CAMTA1: variants seen among roughly 807,000 people sequenced by gnomAD.
The protein encoded by CAMTA1 is calmodulin binding transcription activator 1.
A neutral mutation model predicts 170.9 loss-of-function variants in CAMTA1; 27 were observed. The ratio of observed to expected loss-of-function variants is 0.16; its 90% CI spans 0.12 to 0.22. The LOEUF is 0.22. Ranked by LOEUF, CAMTA1 falls within the 10% of genes least tolerant of loss-of-function variation. The pLI, the probability that CAMTA1 is intolerant of heterozygous loss-of-function variation, is 1.00. For synonymous variants in CAMTA1, 833 were observed against 891.5 expected, an observed-to-expected ratio of 0.93 and a Z score of 1.17; for missense variants, 1,619 against 2,217.2, an observed-to-expected ratio of 0.73 and a Z score of 5.42.
intron 3 of CAMTA1, among the ~76,000 whole-genome samples, chr1:6,958,248 G>C (rs1368887366): frequency 6.6e-6 from 1 of 152,176 alleles, no homozygotes; most frequent in Admixed American, 6.5e-5. Context: ...ATAAAGTTCA[G>C]CTTTAACAGT....
chr1:7,723,396 A>G (rs2096662094), intron 11 of CAMTA1, among the ~76,000 whole-genome samples: 1 of 152,248 alleles, frequency 6.6e-6, no homozygotes, highest in South Asian at 2.1e-4. Flanking sequence ...TTTAGAATAA[A>G]TGTACAGGAG....
chr1:7,245,944 G>A (rs1286907596), intron 4 of CAMTA1, among the ~76,000 whole-genome samples: 4 of 152,178 alleles, frequency 2.6e-5, no homozygotes, highest in Admixed American at 6.5e-5. Context: ...AACAAGCAGA[G>A]GGGAGTTTCA....
At chr1:7,419,851 C>CA (rs2091442624) in intron 5 of CAMTA1, among the ~76,000 whole-genome samples, 2 of 152,158 alleles carry the variant, frequency 1.3e-5, no homozygotes, top group Admixed American at 1.3e-4. Flanking sequence ...CTCCACCCCC[C>CA]ACCCATCAGG....
At chr1:7,086,109 C>T (rs1030240896) in intron 3 of CAMTA1, among the ~76,000 whole-genome samples, 45 of 152,226 alleles carry the variant, frequency 3.0e-4, no homozygotes, top group African/African-American at 1.0e-3. Flanking sequence ...GACGCCATAC[C>T]TTGGCGGCCG....
chr1:7,474,412 G>A (rs2093385929), intron 6 of CAMTA1, among the ~76,000 whole-genome samples: 1 of 148,294 alleles, frequency 6.7e-6, no homozygotes, highest in African/African-American at 2.5e-5. Context: ...GAATACAGAG[G>A]CTGTTGGAGG....
intron 6 of CAMTA1, among the ~76,000 whole-genome samples, chr1:7,524,728 G>A (rs1402537637): frequency 6.6e-6 from 1 of 152,138 alleles, no homozygotes; most frequent in Admixed American, 6.5e-5. Context: ...GGACCCACCA[G>A]TTTGTACCAT....
intron 3 of CAMTA1, among the ~76,000 whole-genome samples, chr1:7,006,001 A>G (rs1312897332): frequency 6.6e-6 from 1 of 152,176 alleles, no homozygotes. Context: ...TGGTGTTGGA[A>G]GAACAGAGAG....
chr1:7,599,902 T>A (rs2095427231), intron 6 of CAMTA1, among the ~76,000 whole-genome samples: 1 of 152,202 alleles, frequency 6.6e-6, no homozygotes, highest in Admixed American at 6.5e-5. Context: ...ACGATTTGAC[T>A]TCCTCTTTTC....
At chr1:7,045,775 T>C (rs1471938861) in intron 3 of CAMTA1, among the ~76,000 whole-genome samples, 3 of 152,172 alleles carry the variant, frequency 2.0e-5, no homozygotes, top group Non-Finnish European at 4.4e-5. Context: ...TGTTGTTGGA[T>C]TGTGTGGCTG....
chr1:7,507,403 C>A (rs1231005369), intron 6 of CAMTA1, among the ~76,000 whole-genome samples: 3 of 152,150 alleles, frequency 2.0e-5, no homozygotes, highest in Admixed American at 2.0e-4. Flanking sequence ...GGAGGGGGCA[C>A]ACGCCTGGCA....
At chr1:6,833,612 T>C (rs1651476818) in intron 3 of CAMTA1, among the ~76,000 whole-genome samples, 2 of 152,198 alleles carry the variant, frequency 1.3e-5, no homozygotes. Context: ...AGCTGTTTTT[T>C]ACATATCAAG....
chr1:7,437,223 G>T (rs2092376777), intron 5 of CAMTA1, among the ~76,000 whole-genome samples: 1 of 152,162 alleles, frequency 6.6e-6, no homozygotes, highest in Non-Finnish European at 1.5e-5. Flanking sequence ...TAGCCTCCAG[G>T]CCTGGAAAGC....
intron 3 of CAMTA1, among the ~76,000 whole-genome samples, chr1:6,919,384 G>A (rs1681507549): frequency 6.6e-6 from 1 of 152,218 alleles, no homozygotes; most frequent in African/African-American, 2.4e-5. Context: ...CTGTGTTAAG[G>A]GTGTGCGACA....
At chr1:6,986,639 A>T in intron 3 of CAMTA1, among the ~76,000 whole-genome samples, 1 of 152,106 alleles carries the variant, frequency 6.6e-6, no homozygotes, top group East Asian at 1.9e-4. Flanking sequence ...TGGGGCTTGC[A>T]GAGAAATGCC....
At chr1:6,919,115 T>C (rs1037381504) in intron 3 of CAMTA1, among the ~76,000 whole-genome samples, 1 of 152,262 alleles carries the variant, frequency 6.6e-6, no homozygotes, top group Non-Finnish European at 1.5e-5. Flanking sequence ...CGGAGGTTTG[T>C]GTGTTTCTCT....
At chr1:7,602,154 C>T (rs1165332502) in intron 6 of CAMTA1, among the ~76,000 whole-genome samples, 11 of 134,208 alleles carry the variant, frequency 8.2e-5, no homozygotes, top group Non-Finnish European at 1.1e-4. Context: ...CTCCCTCCCT[C>T]CCTCCCTCCT....
intron 5 of CAMTA1, among the ~76,000 whole-genome samples, chr1:7,310,643 T>TCCTTTCTTTCTTTCTTTTTTC (rs1676389813): frequency 3.4e-5 from 1 of 29,418 alleles, no homozygotes; most frequent in African/African-American, 1.3e-4. Flanking sequence ...TTTCTTTCTT[T>TCCTTTCTTTCTTTCTTTTTTC]CTTTTTTCTT....
At chr1:7,327,145 A>G (rs10746470) in intron 5 of CAMTA1, among the ~76,000 whole-genome samples, 112,986 of 151,790 alleles carry the variant, frequency 0.74, 43,022 homozygotes, top group African/African-American at 0.9. Context: ...GGCCGGGCGC[A>G]GTGGCTCACG....
intron 4 of CAMTA1, among the ~76,000 whole-genome samples, chr1:7,150,077 C>A (rs1005175712): frequency 6.6e-6 from 1 of 152,158 alleles, no homozygotes; most frequent in Admixed American, 6.5e-5. Context: ...GGTCGCCCAG[C>A]GGCCTCCCTG....
Sources: allele counts gnomAD v4.1 joint callset (sites outside exome capture counted in the v4.1 genomes callset), GRCh38; gene constraint gnomAD v4.1.1; transcripts MANE v1.5; gene names NCBI Gene and HGNC (gene_info 2026-07-23, HGNC 2026-07-21).